Variants in TUBB6 observed in about 807,000 individuals in gnomAD.
The protein encoded by TUBB6 is tubulin beta-6 chain.
TUBB6 carries 18 observed loss-of-function variants against 32.3 expected under a neutral mutation model. The ratio of observed to expected loss-of-function variants is 0.56; its 90% confidence interval spans 0.39 to 0.83. The LOEUF (loss-of-function observed/expected upper bound fraction) is 0.83, where lower values mean the gene tolerates loss of function less well. Among genes scored for constraint, TUBB6 ranks in the 40% least tolerant of loss-of-function variants. The pLI is 0.00. For missense variants in TUBB6, 480 were observed against 632.0 expected, an observed-to-expected ratio of 0.76 and a Z score of 2.58; for synonymous variants, 280 against 265.8, an observed-to-expected ratio of 1.05 and a Z score of -0.52.
At chr18:12,310,916 C>G in intron 2 of TUBB6, 27 bp from the exon 3 acceptor site, 1 of 1,532,776 alleles carries the variant, frequency 6.5e-7, no homozygotes, top group Non-Finnish European at 8.9e-7. Context: ...GAAAGTAACT[C>G]TTGTGGGTGG....
Position 12,326,310 on chromosome 18 carries a change from AATTGCGGGT to A in TUBB6, c.*181_*189del. 1 of 961,270 alleles carries A rather than the reference AATTGCGGGT, an allele frequency of 1.0e-6. No homozygotes were observed. 59.5% of individuals were successfully genotyped at this position (961,270 alleles called of 1,614,324 possible). A position where few individuals can be genotyped will look rare whatever the true frequency, so the allele number is the denominator to read the frequency against. ...GGAACAAAGACTAAAAACAGCAGAG[AATTGCGGGT>A]TCTACCCAGTCAGAAGATCACACCA... is the stretch of plus-strand genomic sequence containing the variant. On this transcript the variant is annotated 3_prime_UTR_variant, in exon 4 of 4. Transcript: ENST00000317702.
intron 3 of TUBB6, among the ~76,000 whole-genome samples, chr18:12,323,556 C>T (rs1907097528): frequency 6.6e-6 from 1 of 152,008 alleles, no homozygotes; most frequent in Admixed American, 6.6e-5. Context: ...ACCTGTAATC[C>T]CAGCACTTTG....
intron 3 of TUBB6, among the ~76,000 whole-genome samples, chr18:12,321,727 G>T (rs143496406): frequency 1.3e-4 from 20 of 152,212 alleles, no homozygotes; most frequent in African/African-American, 4.8e-4. Context: ...AAGTTTTTAT[G>T]ACTTGAATTA....
chr18:12,325,639 C>G lies in TUBB6; in HGVS notation c.850C>G (p.Leu284Val). The G allele has an allele frequency of 4.3e-6, 7 of 1,613,948 alleles. No homozygotes were observed. The highest frequency in any genetic ancestry group is 5.9e-6 in the Non-Finnish European group (7 of 1,179,950). Residue 284 changes from leucine (L) to valine (V), a missense_variant, in exon 4 of 4, where the codon CTG (leucine) becomes GTG (valine). Leu to Val is a conservative substitution (Grantham distance 32, BLOSUM62 1). Transcript: ENST00000317702. ...CCGCGGCAGCCAGCAGTACCGGGCC[C>G]TGACCGTGCCCGAGCTCACCCAGCA... ...TSRGSQQYRA[L>V]TVPELTQQMF... is the part of the protein sequence containing the mutation.
intron 3 of TUBB6, among the ~76,000 whole-genome samples, chr18:12,313,034 GTTCCTGATTTGTAGAGGACAAAAAAAC>G: frequency 1.4e-5 from 2 of 146,314 alleles, no homozygotes; most frequent in African/African-American, 5.0e-5. Flanking sequence ...TTTTGGATGT[GTTCCTGATTTGTAGAGGACAAAAAAAC>G]TTCTATGTAA....
chr18:12,329,504 C>A (rs1907445220), downstream of TUBB6: 2 of 1,534,536 alleles, frequency 1.3e-6, no homozygotes, highest in East Asian at 2.2e-5. Context: ...AAAGCCACAG[C>A]TGAAATAATG....
intron 3 of TUBB6, among the ~76,000 whole-genome samples, chr18:12,322,915 C>T (rs1407279423): frequency 2.0e-5 from 3 of 152,114 alleles, no homozygotes; most frequent in Non-Finnish European, 4.4e-5. Context: ...TCTATCAATA[C>T]ATTTAACAGA....
chr18:12,329,647 G>A (rs969327635), downstream of TUBB6: 16 of 1,614,022 alleles, frequency 9.9e-6, no homozygotes, highest in African/African-American at 1.9e-4. Flanking sequence ...TTCTGGAAGT[G>A]AGGTGTCCTC....
At position 12,310,994 on chromosome 18, in the gene TUBB6, T is replaced by C. The variant is rs1206497227; in HGVS notation, c.218T>C (p.Met73Thr). ...CTGGTGGACTTAGAGCCAGGCACCA[T>C]GGACAGCGTGCGGTCTGGGCCTTTT... ...AALVDLEPGTMDSVRSGPFGQ... is the reference protein window; with the variant it reads ...AALVDLEPGTTDSVRSGPFGQ... Residue 73 changes from methionine to threonine, a missense_variant, in exon 3 of 4, where the codon ATG becomes ACG. Transcript: ENST00000317702. 6.8e-6 allele frequency: 11 copies of C among 1,613,902 alleles called. No homozygotes were observed. The highest frequency in any genetic ancestry group is 8.5e-6 in the Non-Finnish European group (10 of 1,179,836).
At chr18:12,313,239 AC>A (rs1353214922) in intron 3 of TUBB6, among the ~76,000 whole-genome samples, 2 of 152,236 alleles carry the variant, frequency 1.3e-5, no homozygotes, top group Non-Finnish European at 2.9e-5. Flanking sequence ...TAGCCAGTGC[AC>A]AAAAACCAGA....
At chr18:12,329,081 T>C (rs565352114), downstream of TUBB6, 127 of 700,964 alleles carry the variant, frequency 1.8e-4, no homozygotes, top group Admixed American at 4.2e-4. Flanking sequence ...GTGATCTGGA[T>C]TCAATCTTTA....
intron 2 of TUBB6, among the ~76,000 whole-genome samples, chr18:12,309,022 A>G (rs556045541): frequency 1.3e-5 from 2 of 152,320 alleles, no homozygotes; most frequent in African/African-American, 2.4e-5. Context: ...ACCACCCGTT[A>G]GCGTTGTGAA....
At chr18:12,321,960 A>G (rs895719772) in intron 3 of TUBB6, among the ~76,000 whole-genome samples, 26 of 152,162 alleles carry the variant, frequency 1.7e-4, no homozygotes, top group Admixed American at 1.4e-3. Context: ...CTGATGTAAA[A>G]TGTCATGACC....
At chr18:12,319,197 G>A (rs1327144121) in intron 3 of TUBB6, among the ~76,000 whole-genome samples, 1 of 148,606 alleles carries the variant, frequency 6.7e-6, no homozygotes, top group Non-Finnish European at 1.5e-5. Context: ...AGGCTGGAGT[G>A]CAATGGCGCA....
At chr18:12,307,795 T>TGGGGGGC (rs1279621483), upstream of TUBB6, 2 of 88,666 alleles carry the variant, frequency 2.3e-5, no homozygotes, top group African/African-American at 4.4e-5. Flanking sequence ...GACCGGGGGG[T>TGGGGGGC]GGGGGGCAGG....
chr18:12,322,075 C>A (rs987657920), intron 3 of TUBB6, among the ~76,000 whole-genome samples: 3 of 151,854 alleles, frequency 2.0e-5, no homozygotes, highest in Non-Finnish European at 4.4e-5. Context: ...CCGAGGTGGG[C>A]GGATCACTTG....
rs181427656 is a variant in TUBB6 at position 12,310,727 on chromosome 18, G to A, written c.167-216G>A. On this transcript the variant is annotated intron_variant, in intron 2 of 3. Transcript: ENST00000317702. ...TGGTCTTGAACTCCTGGGCTCAAGCGATCTGCCCACCTCAGCCTCCCAATG... is the reference window on the plus strand; with the variant it reads ...TGGTCTTGAACTCCTGGGCTCAAGCAATCTGCCCACCTCAGCCTCCCAATG... Among the ~76,000 whole-genome samples the A allele has an allele frequency of 1.6e-4, 24 of 152,222 alleles. No individual in the cohort carries two copies. In the East Asian group the frequency reaches 4.4e-3, roughly 28 times the overall value.
chr18:12,329,254 G>A (rs79884272), downstream of TUBB6: 3,240 of 701,272 alleles, frequency 4.6e-3, 63 homozygotes, highest in African/African-American at 0.049. Flanking sequence ...CCTGCCACAC[G>A]GTCAGCCGAC....
Position 12,325,509 on chromosome 18 carries a change from G to A in TUBB6, c.720G>A (p.Leu240=). The change falls in exon 4 of 4, where the codon CTG becomes CTA. Residue 240 remains leucine, a synonymous_variant. Coordinates refer to ENST00000317702, the MANE Select transcript of TUBB6 (RefSeq NM_032525.3). ...CCATGAGTGGGGTCACCACCTCGCTGCGCTTCCCGGGCCAGCTCAATGCTG... is the reference window on the plus strand; with the variant it reads ...CCATGAGTGGGGTCACCACCTCGCTACGCTTCCCGGGCCAGCTCAATGCTG... The part of the protein sequence containing the change: ...SATMSGVTTS[L]RFPGQLNADL... The A allele has an allele frequency of 6.2e-7, 1 of 1,614,238 alleles. No homozygotes were observed. The highest frequency in any genetic ancestry group is 8.5e-7 in the Non-Finnish European group (1 of 1,180,052).
Sources: gnomAD v4.1 joint callset for allele counts (sites outside exome capture counted in the v4.1 genomes callset) on GRCh38, gnomAD v4.1.1 for gene constraint, MANE v1.5 for transcripts, NCBI Gene and HGNC (gene_info 2026-07-23, HGNC 2026-07-21) for gene names.